Variants in ADGRV1 observed in about 807,000 individuals in gnomAD.
The protein encoded by ADGRV1 is G-protein coupled receptor 98.
Under a neutral mutation model 596.2 loss-of-function variants are expected in ADGRV1, and 359 were observed. The observed-to-expected ratio is 0.60, with a 90% CI of 0.55 to 0.66. ADGRV1 has a LOEUF of 0.66. Among genes scored for constraint, ADGRV1 ranks in the 30% least tolerant of loss-of-function variants. ADGRV1 has a pLI of 0.00. For synonymous variants in ADGRV1, 2,681 were observed against 2,679.2 expected (o/e 1.00, Z -0.02); for missense variants, 7,274 against 7,575.6 (o/e 0.96, Z 1.48).
At position 90,925,537 on chromosome 5, in the gene ADGRV1, A is replaced by T. The variant is rs1774344732; in HGVS notation, c.17857-39878A>T. Among the ~76,000 whole-genome samples the T allele has an allele frequency of 2.0e-5, 3 of 152,278 alleles. No homozygotes were observed. In the South Asian group the frequency reaches 6.2e-4, roughly 32 times the overall value. ...CAGCTTAAGGAGATTTTGGGCTGAGACAGTGGGGTTTTCTAGATATACAGT... is the reference window on the plus strand; with the variant it reads ...CAGCTTAAGGAGATTTTGGGCTGAGTCAGTGGGGTTTTCTAGATATACAGT... On this transcript the variant is annotated intron_variant, in intron 83 of 89. Coordinates refer to ENST00000405460, the MANE Select transcript of ADGRV1 (RefSeq NM_032119.4).
At chr5:91,162,453 G>A (rs576754102) in intron 89 of ADGRV1, among the ~76,000 whole-genome samples, 78 of 152,196 alleles carry the variant, frequency 5.1e-4, no homozygotes, top group Admixed American at 9.8e-4. Flanking sequence ...CTGCTGCTCC[G>A]TGTCCTGAGC....
At chr5:90,903,997 A>G (rs958164351) in intron 83 of ADGRV1, among the ~76,000 whole-genome samples, 6 of 152,028 alleles carry the variant, frequency 3.9e-5, no homozygotes, top group East Asian at 1.9e-4. Context: ...TAGATCCCAC[A>G]AATAGGGAGA....
intron 83 of ADGRV1, among the ~76,000 whole-genome samples, chr5:90,886,309 C>T (rs1189716494): frequency 6.6e-6 from 1 of 152,150 alleles, no homozygotes; most frequent in Non-Finnish European, 1.5e-5. Context: ...CAGACTCTTC[C>T]TCTCCTGGCC....
chr5:90,915,364 A>G (rs1773254668), intron 83 of ADGRV1, among the ~76,000 whole-genome samples: 1 of 152,174 alleles, frequency 6.6e-6, no homozygotes, highest in Non-Finnish European at 1.5e-5. Context: ...GTTGTGTAGA[A>G]TGACTGGATT....
intron 87 of ADGRV1, among the ~76,000 whole-genome samples, chr5:91,149,807 C>T (rs193298065): frequency 0.015 from 1,549 of 104,530 alleles, 38 homozygotes; most frequent in African/African-American, 0.053. Context: ...ACTCCAGCCT[C>T]GGTGACAGAA....
rs543505883 is a variant in ADGRV1 at position 90,763,916 on chromosome 5, C to G, written c.12285+447C>G. On this transcript the variant is annotated intron_variant, in intron 59 of 89. Coordinates refer to ENST00000405460, the MANE Select transcript of ADGRV1 (RefSeq NM_032119.4). Reference sequence around the variant, plus strand: ...TGTATATCTATAACATTTTCTTTATCCAGTTCACTGTTGATGGACACTAAA... The same window carrying G: ...TGTATATCTATAACATTTTCTTTATGCAGTTCACTGTTGATGGACACTAAA... Among the ~76,000 whole-genome samples, 5 of 152,214 alleles carry G rather than the reference C, an allele frequency of 3.3e-5. No homozygotes were observed. The South Asian group carries it at 1.0e-3, about 32-fold the overall frequency.
intron 85 of ADGRV1, among the ~76,000 whole-genome samples, chr5:91,003,570 C>T (rs1782016373): frequency 6.6e-6 from 1 of 152,122 alleles, no homozygotes; most frequent in South Asian, 2.1e-4. Context: ...CAGGAGAAAA[C>T]ATCTCGCCTT....
At position 90,675,250 on chromosome 5, in the gene ADGRV1, G is replaced by C. The variant is rs1479638826; in HGVS notation, c.5118G>C (p.Leu1706=). 5 of 1,612,948 alleles carry C rather than the reference G, an allele frequency of 3.1e-6. No homozygotes were observed. The South Asian group carries it at 5.5e-5, about 18-fold the overall frequency. Residue 1706 remains leucine (L), a synonymous_variant, in exon 24 of 90, where the codon CTG becomes CTC. Coordinates refer to ENST00000405460, the MANE Select transcript of ADGRV1 (RefSeq NM_032119.4). The part of the protein sequence containing the change: ...IKASDHPYGL[L]QFSTGLPPQP... The stretch of plus-strand genomic sequence containing the variant: ...CCCCTTTGTCTCCACTAGGCTTGCT[G>C]CAGTTCTCCACAGGGCTGCCTCCTC...
chr5:90,938,216 T>C (rs1561971239), intron 83 of ADGRV1, among the ~76,000 whole-genome samples: 1 of 152,188 alleles, frequency 6.6e-6, no homozygotes, highest in Non-Finnish European at 1.5e-5. Flanking sequence ...AAAAAATTTT[T>C]TGGAGTTGTC....
intron 83 of ADGRV1, among the ~76,000 whole-genome samples, chr5:90,885,812 A>G (rs1770225021): frequency 6.6e-6 from 1 of 151,918 alleles, no homozygotes; most frequent in Admixed American, 6.6e-5. Context: ...CTATTGTTTT[A>G]AGGAGTTGCT....
intron 85 of ADGRV1, among the ~76,000 whole-genome samples, chr5:91,058,340 A>G (rs1787090698): frequency 6.6e-6 from 1 of 152,140 alleles, no homozygotes; most frequent in Admixed American, 6.5e-5. Flanking sequence ...TGGCAGGGAT[A>G]TTAATAGTGG....
chr5:90,894,726 G>A (rs1286975372), intron 83 of ADGRV1, among the ~76,000 whole-genome samples: 1 of 152,076 alleles, frequency 6.6e-6, no homozygotes, highest in Non-Finnish European at 1.5e-5. Flanking sequence ...AAGACAATGG[G>A]TATCTATTTC....
At chr5:90,797,754 G>A (rs1014398182) in intron 70 of ADGRV1, among the ~76,000 whole-genome samples, 1 of 152,140 alleles carries the variant, frequency 6.6e-6, no homozygotes, top group Non-Finnish European at 1.5e-5. Context: ...AAATGTGAAA[G>A]AATGGAAATA....
chr5:90,759,692 A>T, intron 58 of ADGRV1, 104 bp downstream of exon 58: 1 of 959,908 alleles, frequency 1.0e-6, no homozygotes, highest in Non-Finnish European at 1.6e-6. Context: ...TTGGCCAGGC[A>T]TGGTGGCTCA....
At chr5:90,588,093 T>C (rs1227606298) in intron 1 of ADGRV1, among the ~76,000 whole-genome samples, 1 of 152,226 alleles carries the variant, frequency 6.6e-6, no homozygotes. Context: ...GTGAAAATAC[T>C]GTATTCTATA....
At chr5:90,688,542 A>G (rs1443072068) in intron 29 of ADGRV1, among the ~76,000 whole-genome samples, 1 of 152,036 alleles carries the variant, frequency 6.6e-6, no homozygotes, top group Non-Finnish European at 1.5e-5. Context: ...TTTTTAGTAG[A>G]GATGGGATTT....
chr5:91,086,362 C>G (rs1789875623), intron 86 of ADGRV1, among the ~76,000 whole-genome samples: 2 of 152,156 alleles, frequency 1.3e-5, no homozygotes, highest in Admixed American at 1.3e-4. Context: ...GCTCCTCTGC[C>G]TTATCCTAAT....
At chr5:90,777,665 A>G (rs562820033) in intron 61 of ADGRV1, among the ~76,000 whole-genome samples, 19 of 152,322 alleles carry the variant, frequency 1.2e-4, no homozygotes, top group African/African-American at 4.6e-4. Flanking sequence ...TTCTGCTTTT[A>G]GTAATCAGTT....
chr5:90,800,266 G>T (rs1329119384), intron 70 of ADGRV1, among the ~76,000 whole-genome samples: 2 of 152,130 alleles, frequency 1.3e-5, no homozygotes, highest in African/African-American at 2.4e-5. Flanking sequence ...ATGGGCAAAG[G>T]ATATGAACAG....
Sources: allele counts gnomAD v4.1 joint callset (sites outside exome capture counted in the v4.1 genomes callset), GRCh38; gene constraint gnomAD v4.1.1; transcripts MANE v1.5; gene names NCBI Gene and HGNC (gene_info 2026-07-23, HGNC 2026-07-21).